The following NR2C1 variants were observed in gnomAD, a reference collection of about 807,000 sequenced individuals.
NR2C1 encodes nuclear receptor subfamily 2 group C member 1, also known as TR2 nuclear hormone receptor.
Under a neutral mutation model 74.8 loss-of-function variants are expected in NR2C1, and 33 were observed. That is an observed-to-expected ratio of 0.44 (90% CI 0.33 to 0.59). The LOEUF is 0.59. Among genes scored for constraint, NR2C1 ranks in the 20% least tolerant of loss-of-function variants. The pLI is 0.02. For synonymous variants in NR2C1, 225 were observed against 240.6 expected, an observed-to-expected ratio of 0.94 and a Z score of 0.60; for missense variants, 568 against 715.6, an observed-to-expected ratio of 0.79 and a Z score of 2.35.
chr12:95,066,515 C>T (rs978471644), intron 2 of NR2C1, among the ~76,000 whole-genome samples: 2 of 152,096 alleles, frequency 1.3e-5, no homozygotes, highest in African/African-American at 4.8e-5. Flanking sequence ...TTTTAATACC[C>T]TTTTCAAACT....
intron 7 of NR2C1, among the ~76,000 whole-genome samples, chr12:95,054,300 CTTTT>C (rs546713451): frequency 7.0e-6 from 1 of 142,206 alleles, no homozygotes; most frequent in Non-Finnish European, 1.6e-5. Flanking sequence ...AAAGTCTATG[CTTTT>C]TTTTTTTTTT....
At chr12:95,058,138 A>G (rs1384959876) in intron 5 of NR2C1, 172 bp downstream of exon 5, 1 of 650,050 alleles carries the variant, frequency 1.5e-6, no homozygotes, top group East Asian at 2.8e-5. Context: ...TATTCAATAA[A>G]TATTAGTTGA....
intron 10 of NR2C1, among the ~76,000 whole-genome samples, chr12:95,032,726 G>A (rs1220913745): frequency 4.6e-5 from 7 of 151,810 alleles, no homozygotes; most frequent in Non-Finnish European, 1.0e-4. Flanking sequence ...CCAGCACTTC[G>A]GGAGGCTGAG....
At chr12:95,071,197 G>A (rs1188629774) in intron 1 of NR2C1, among the ~76,000 whole-genome samples, 2 of 140,966 alleles carry the variant, frequency 1.4e-5, no homozygotes, top group African/African-American at 2.7e-5. Context: ...GCAAAACTCC[G>A]TCTCAAAAAA....
chr12:95,051,433 C>T (rs1166548464), intron 8 of NR2C1, among the ~76,000 whole-genome samples: 1 of 152,168 alleles, frequency 6.6e-6, no homozygotes, highest in Non-Finnish European at 1.5e-5. Flanking sequence ...GGCAAGTTCC[C>T]CCGATTCCCC....
chr12:95,041,294 C>T (rs249142), intron 9 of NR2C1, among the ~76,000 whole-genome samples: 30,843 of 151,806 alleles, frequency 0.2, 3,204 homozygotes, highest in Non-Finnish European at 0.23. Flanking sequence ...GAGACCATCC[C>T]GGTCAACATG....
chr12:95,069,488 C>T (rs1876254687), intron 1 of NR2C1, among the ~76,000 whole-genome samples: 1 of 152,148 alleles, frequency 6.6e-6, no homozygotes, highest in Non-Finnish European at 1.5e-5. Context: ...AAGTAACATG[C>T]TGTGTGGGTT....
Position 95,062,573 on chromosome 12 carries a change from G to A in NR2C1, c.220C>T (p.Pro74Ser), listed in dbSNP as rs750812580. ...STPGKVFLTT[P>S]DAAGVNQLFF... is the part of the protein sequence containing the mutation. ...AACTGGTTGACACCTGCTGCATCTGGAGTTGTAAGGAAAACTTTTCCCGGA... is the reference window on the plus strand; with the variant it reads ...AACTGGTTGACACCTGCTGCATCTGAAGTTGTAAGGAAAACTTTTCCCGGA... The change falls in exon 3 of 14, where the codon CCA becomes TCA. Residue 74 changes from proline (P) to serine (S), a missense_variant. Pro to Ser is a moderately conservative substitution (Grantham distance 74, BLOSUM62 -1). This residue lies in a region of NR2C1 where 128 missense variants were observed against 118.9 expected (regional missense o/e 1.08). Coordinates refer to ENST00000333003, the MANE Select transcript of NR2C1 (RefSeq NM_003297.4). 1.9e-6 allele frequency: 3 copies of A among 1,613,814 alleles called. No individual in the cohort carries two copies. In the South Asian group the frequency reaches 3.3e-5, roughly 18 times the overall value.
intron 10 of NR2C1, among the ~76,000 whole-genome samples, chr12:95,032,975 A>G (rs1870338374): frequency 6.6e-6 from 1 of 151,868 alleles, no homozygotes; most frequent in Non-Finnish European, 1.5e-5. Context: ...CTCAAAAAAA[A>G]GAGAGAGAAT....
chr12:95,070,471 A>G lies in NR2C1; in HGVS notation c.-8+2909T>C, dbSNP rs562496887. Among the ~76,000 whole-genome samples, 12 of 152,244 alleles carry G rather than the reference A, an allele frequency of 7.9e-5. No homozygotes were observed. In the East Asian group the frequency reaches 2.3e-3, roughly 29 times the overall value. The stretch of plus-strand genomic sequence containing the variant: ...TTATACACTGTTGGTGGAAGGTTAG[A>G]CTGTTTTAACCTTCCTAGAAAAGTA... On this transcript the variant is annotated intron_variant, in intron 1 of 13. Transcript: ENST00000333003.
intron 8 of NR2C1, among the ~76,000 whole-genome samples, chr12:95,051,272 T>A (rs56731093): frequency 0.067 from 10,266 of 152,212 alleles, 514 homozygotes; most frequent in African/African-American, 0.14. Context: ...GCAGGTGTAT[T>A]ACAGTTTATT....
chr12:95,069,700 CCTTT>C (rs1214819622), intron 1 of NR2C1, among the ~76,000 whole-genome samples: 4 of 152,098 alleles, frequency 2.6e-5, no homozygotes, highest in Non-Finnish European at 4.4e-5. Context: ...CACACACATT[CCTTT>C]TTTTCCCCCA....
intron 12 of NR2C1, 65 bp from the exon 13 acceptor site, chr12:95,025,320 G>A: frequency 1.2e-6 from 1 of 826,512 alleles, no homozygotes; most frequent in Non-Finnish European, 1.9e-6. Flanking sequence ...GAGTGGATAT[G>A]AAAAGAGACA....
In NR2C1 at chr12:95,051,654, G is replaced by C. The variant is rs1041379233; in HGVS notation, c.965+108C>G. 3.2e-6 allele frequency: 3 copies of C among 923,186 alleles called. No individual in the cohort carries two copies. In the African/African-American group the frequency reaches 5.1e-5, roughly 16 times the overall value. The allele number at this position is 923,186 out of a possible 1,614,324, so 57.2% of individuals were successfully genotyped here. On this transcript the variant is annotated intron_variant, in intron 8 of 13. Coordinates refer to ENST00000333003, the MANE Select transcript of NR2C1 (RefSeq NM_003297.4). ...CAACCTGTATTTAGATAATCAACCT[G>C]TATTTGTTTTCTGAAACTTTTATAA...
chr12:95,062,504 T>C lies in NR2C1; in HGVS notation c.285+4A>G, dbSNP rs770876609. 6.3e-6 allele frequency: 10 copies of C among 1,585,480 alleles called. No homozygotes were observed. The South Asian group carries it at 1.1e-4, about 18-fold the overall frequency. ...GAGGAAAAGACACTTCTATAGTTAT[T>C]TACCTGCAGGTGTTGTGCAGACAGA... On this transcript the variant is annotated splice_donor_region_variant and intron_variant, in intron 3 of 13. Coordinates refer to ENST00000333003, the MANE Select transcript of NR2C1 (RefSeq NM_003297.4).
chr12:95,035,029 C>T (rs185439600), intron 10 of NR2C1, among the ~76,000 whole-genome samples: 3 of 152,068 alleles, frequency 2.0e-5, no homozygotes, highest in Non-Finnish European at 2.9e-5. Flanking sequence ...ACAAAGAAAA[C>T]TGGCAACAAC....
At chr12:95,056,801 A>G (rs1393205813) in intron 7 of NR2C1, among the ~76,000 whole-genome samples, 1 of 152,004 alleles carries the variant, frequency 6.6e-6, no homozygotes, top group Non-Finnish European at 1.5e-5. Context: ...TACTAAAAAT[A>G]CAAAAAAATT....
chr12:95,029,202 C>T (rs1450254012), intron 11 of NR2C1, among the ~76,000 whole-genome samples: 1 of 151,990 alleles, frequency 6.6e-6, no homozygotes, highest in Non-Finnish European at 1.5e-5. Context: ...CCACCTCAGC[C>T]TCCTGAGTAG....
At chr12:95,062,985 A>T in intron 2 of NR2C1, 2 of 529,764 alleles carry the variant, frequency 3.8e-6, no homozygotes, top group Non-Finnish European at 6.7e-6. Flanking sequence ...CCCATGTTCC[A>T]TTTAGACAAA....
Sources: allele counts gnomAD v4.1 joint callset (sites outside exome capture counted in the v4.1 genomes callset), GRCh38; gene constraint gnomAD v4.1.1; regional missense constraint gnomAD v4.1.1; transcripts MANE v1.5; gene names NCBI Gene and HGNC (gene_info 2026-07-23, HGNC 2026-07-21).